The following DOCK9 variants were observed in gnomAD, a reference collection of about 807,000 sequenced individuals.
The protein encoded by DOCK9 is dedicator of cytokinesis protein 9.
A neutral mutation model predicts 263.3 loss-of-function variants in DOCK9; 89 were observed. That is an observed-to-expected ratio of 0.34 (90% CI 0.28 to 0.40). The LOEUF (loss-of-function observed/expected upper bound fraction) is 0.40. Among genes scored for constraint, DOCK9 ranks in the 10% least tolerant of loss-of-function variants. The pLI is 1.00. For missense variants in DOCK9, 2,140 were observed against 2,603.4 expected, an observed-to-expected ratio of 0.82 and a Z score of 3.87; for synonymous variants, 976 against 973.1, an observed-to-expected ratio of 1.00 and a Z score of -0.06.
At chr13:98,799,763 C>T (rs2089890123) in intron 50 of DOCK9, among the ~76,000 whole-genome samples, 1 of 152,080 alleles carries the variant, frequency 6.6e-6, no homozygotes, top group Non-Finnish European at 1.5e-5. Context: ...AGGAGAACAT[C>T]TGTGAAATTT....
chr13:98,834,845 A>G (rs1216710806), intron 39 of DOCK9, among the ~76,000 whole-genome samples: 1 of 152,154 alleles, frequency 6.6e-6, no homozygotes, highest in African/African-American at 2.4e-5. Context: ...AAATACCTTG[A>G]TCTTTACTCA....
chr13:98,873,452 T>C (rs2094241666), intron 27 of DOCK9, among the ~76,000 whole-genome samples: 1 of 152,208 alleles, frequency 6.6e-6, no homozygotes, highest in Admixed American at 6.5e-5. Context: ...CTCATGGTAA[T>C]AGAACCTCAA....
intron 1 of DOCK9, among the ~76,000 whole-genome samples, chr13:99,017,789 G>A (rs1302691406): frequency 6.6e-6 from 1 of 152,150 alleles, no homozygotes; most frequent in African/African-American, 2.4e-5. Flanking sequence ...GAAAGTTTAC[G>A]AATTTTTGTT....
chr13:98,794,470 G>T lies in DOCK9; in HGVS notation c.*156C>A. The stretch of plus-strand genomic sequence containing the variant: ...TGTGCACCTTCTTACAACTCCTATA[G>T]AAAGTCTGTTAAGAAATAACGTTGT... On this transcript the variant is annotated 3_prime_UTR_variant, in exon 53 of 53. Transcript: ENST00000682017. 1.2e-6 allele frequency: 1 copy of T among 803,398 alleles called. No homozygotes were observed. The highest frequency in any genetic ancestry group is 2.8e-5 in the East Asian group (1 of 35,900). 49.8% of individuals were successfully genotyped at this position (803,398 alleles called of 1,614,324 possible). A position where few individuals can be genotyped will look rare whatever the true frequency, so the allele number is the denominator to read the frequency against.
chr13:98,886,148 G>A (rs916656830), intron 19 of DOCK9, among the ~76,000 whole-genome samples: 4 of 152,150 alleles, frequency 2.6e-5, no homozygotes, highest in Non-Finnish European at 5.9e-5. Flanking sequence ...CAAGTAGCAT[G>A]CATACAGTGG....
chr13:98,879,784 C>T (rs1770930197), intron 27 of DOCK9, 114 bp downstream of exon 27: 1 of 812,912 alleles, frequency 1.2e-6, no homozygotes, highest in Non-Finnish European at 1.9e-6. Context: ...TTGTAAAGCA[C>T]TTAGAACAGT....
intron 45 of DOCK9, among the ~76,000 whole-genome samples, chr13:98,813,954 T>C (rs2091567146): frequency 6.6e-6 from 1 of 152,224 alleles, no homozygotes; most frequent in Non-Finnish European, 1.5e-5. Context: ...AATTTACTAA[T>C]ATTTTATTAA....
chr13:98,937,791 G>A (rs1307058911), intron 2 of DOCK9, among the ~76,000 whole-genome samples: 1 of 151,206 alleles, frequency 6.6e-6, no homozygotes, highest in Non-Finnish European at 1.5e-5. Flanking sequence ...ATTTACAACT[G>A]TCTCCAAGTC....
intron 39 of DOCK9, chr13:98,832,033 A>G: frequency 2.2e-6 from 1 of 452,186 alleles, no homozygotes; most frequent in South Asian, 4.5e-5. Flanking sequence ...CTTGCTTAGT[A>G]CTGACTGGGC....
chr13:98,812,172 GT>G (rs137892255), intron 45 of DOCK9, among the ~76,000 whole-genome samples: 3,684 of 121,370 alleles, frequency 0.03, 141 homozygotes, highest in African/African-American at 0.11. Context: ...ACTTTAATGG[GT>G]TTTTTTTTTA....
intron 32 of DOCK9, among the ~76,000 whole-genome samples, chr13:98,862,075 A>T (rs1363526098): frequency 6.6e-6 from 1 of 152,180 alleles, no homozygotes; most frequent in African/African-American, 2.4e-5. Flanking sequence ...TAGTGAATAT[A>T]CAAATGAAAA....
At chr13:98,826,745 A>G (rs908367365) in intron 44 of DOCK9, 85 bp downstream of exon 44, 1 of 1,094,262 alleles carries the variant, frequency 9.1e-7, no homozygotes, top group Non-Finnish European at 1.3e-6. Flanking sequence ...CCACCTTCCA[A>G]TCTTCCTGAA....
chr13:99,022,739 T>TC (rs1356435410), intron 1 of DOCK9, among the ~76,000 whole-genome samples: 1 of 152,006 alleles, frequency 6.6e-6, no homozygotes, highest in African/African-American at 2.4e-5. Flanking sequence ...GCCCAGGAGT[T>TC]CAAGACCAGC....
intron 15 of DOCK9, among the ~76,000 whole-genome samples, chr13:98,894,097 A>T (rs2139172157): frequency 6.6e-6 from 1 of 152,276 alleles, no homozygotes; most frequent in East Asian, 1.9e-4. Context: ...ATTAGTGACC[A>T]TGTGAAGCCC....
intron 32 of DOCK9, among the ~76,000 whole-genome samples, chr13:98,861,050 C>T (rs1157377523): frequency 1.3e-5 from 2 of 152,062 alleles, no homozygotes; most frequent in Non-Finnish European, 2.9e-5. Context: ...TGAAAGTGTT[C>T]ATTTTTGTTA....
chr13:98,905,603 TGAAAA>T (rs2048967253), intron 9 of DOCK9, among the ~76,000 whole-genome samples: 1 of 148,998 alleles, frequency 6.7e-6, no homozygotes, highest in African/African-American at 2.5e-5. Context: ...AAAAAAAAAG[TGAAAA>T]GAAATGAGTC....
chr13:99,084,045 C>G (rs2042232410), intron 1 of DOCK9, among the ~76,000 whole-genome samples: 1 of 152,306 alleles, frequency 6.6e-6, no homozygotes, highest in South Asian at 2.1e-4. Flanking sequence ...GGATTCTGAA[C>G]CTGGCGTGGT....
chr13:98,928,814 A>G (rs187544577), intron 3 of DOCK9, among the ~76,000 whole-genome samples: 4 of 152,348 alleles, frequency 2.6e-5, no homozygotes, highest in African/African-American at 4.8e-5. Flanking sequence ...ACCTGCCTTA[A>G]AAAGACATTT....
At chr13:98,902,049 T>C (rs533347603) in intron 12 of DOCK9, 149 bp from the exon 13 acceptor site, 16 of 1,124,184 alleles carry the variant, frequency 1.4e-5, no homozygotes, top group Admixed American at 1.1e-4. Context: ...CAGTTCATCA[T>C]CTGCTCAAAA....
Sources: gnomAD v4.1 joint callset for allele counts (sites outside exome capture counted in the v4.1 genomes callset) on GRCh38, gnomAD v4.1.1 for gene constraint, MANE v1.5 for transcripts, NCBI Gene and HGNC (gene_info 2026-07-23, HGNC 2026-07-21) for gene names.